Variants in ESRRG observed in about 807,000 individuals in gnomAD.
The protein encoded by ESRRG is estrogen-related receptor gamma.
Under a neutral mutation model 44.0 loss-of-function variants are expected in ESRRG, and 13 were observed. That is an observed-to-expected ratio of 0.30 (90% CI 0.19 to 0.47). The LOEUF is 0.47. Ranked by LOEUF, ESRRG falls within the 20% of genes least tolerant of loss-of-function variation. ESRRG has a pLI of 1.00. For synonymous variants in ESRRG, 215 were observed against 214.6 expected (o/e 1.00, Z -0.02); for missense variants, 395 against 580.6 (o/e 0.68, Z 3.29).
chr1:216,930,290 C>T (rs1272706831), intron 2 of ESRRG, among the ~76,000 whole-genome samples: 1 of 152,160 alleles, frequency 6.6e-6, no homozygotes, highest in Non-Finnish European at 1.5e-5. Context: ...GTGAACATGG[C>T]TCATTACCAA....
At position 216,514,248 on chromosome 1, in the gene ESRRG, T is replaced by C. The variant is rs865905289; in HGVS notation, c.1132+4904A>G. ...AAAACTCACTTCCAAAATATCTTAT[T>C]CTAAATAGAATTAAAATAATCCAGT... On this transcript the variant is annotated intron_variant, in intron 6 of 6. Transcript: ENST00000408911. 5.9e-5 allele frequency among the ~76,000 whole-genome samples: 9 copies of C among 152,230 alleles called. No individual in the cohort carries two copies. In the South Asian group the frequency reaches 1.4e-3, roughly 25 times the overall value.
chr1:217,105,057 G>T (rs1340256504), intron 1 of ESRRG, among the ~76,000 whole-genome samples: 1 of 152,128 alleles, frequency 6.6e-6, no homozygotes, highest in African/African-American at 2.4e-5. Context: ...CTTTCCCAAA[G>T]AGGACTCCAC....
chr1:216,974,950 AT>A (rs558666771), intron 1 of ESRRG, among the ~76,000 whole-genome samples: 1 of 151,698 alleles, frequency 6.6e-6, no homozygotes, highest in Non-Finnish European at 1.5e-5. Context: ...ATTTATAAAT[AT>A]TTTTTCCCAG....
chr1:216,642,161 A>C (rs2066563760), intron 3 of ESRRG, among the ~76,000 whole-genome samples: 2 of 152,002 alleles, frequency 1.3e-5, no homozygotes, highest in Admixed American at 1.3e-4. Context: ...CAGAACCTAG[A>C]CTCCTTCATA....
rs1322020055 is a variant in ESRRG, at chr1:216,506,277, T to G, written c.*662A>C. 5.1e-6 allele frequency: 1 copy of G among 194,636 alleles called. No homozygotes were observed. The highest frequency in any genetic ancestry group is 2.4e-5 in the African/African-American group (1 of 42,470). 12.1% of individuals were successfully genotyped at this position (194,636 alleles called of 1,614,324 possible). A position where few individuals can be genotyped will look rare whatever the true frequency, so the allele number is the denominator to read the frequency against. ...CTTTTAGGAACGTTGGTTCTCTCTCTTTGATTCCTTAGTCATTGGGGACAG... is the reference window on the plus strand; with the variant it reads ...CTTTTAGGAACGTTGGTTCTCTCTCGTTGATTCCTTAGTCATTGGGGACAG... On this transcript the variant is annotated 3_prime_UTR_variant, in exon 7 of 7. Coordinates refer to ENST00000408911, the MANE Select transcript of ESRRG (RefSeq NM_001438.4).
intron 1 of ESRRG, among the ~76,000 whole-genome samples, chr1:216,988,731 C>G (rs569671671): frequency 1.3e-5 from 2 of 152,256 alleles, no homozygotes; most frequent in East Asian, 1.9e-4. Flanking sequence ...AGGAGTTATT[C>G]TAGATATCTT....
At chr1:217,037,165 G>A (rs1371694782) in intron 1 of ESRRG, among the ~76,000 whole-genome samples, 1 of 152,140 alleles carries the variant, frequency 6.6e-6, no homozygotes, top group Non-Finnish European at 1.5e-5. Context: ...ACCAAGATAA[G>A]GTAGATATTT....
intron 2 of ESRRG, among the ~76,000 whole-genome samples, chr1:216,806,193 TTCTG>T: frequency 6.6e-6 from 1 of 152,332 alleles, no homozygotes; most frequent in South Asian, 2.1e-4. Context: ...CTTCTCCAAG[TTCTG>T]TCTATTTCAG....
intron 2 of ESRRG, among the ~76,000 whole-genome samples, chr1:216,925,676 T>C (rs894940080): frequency 6.6e-6 from 1 of 151,742 alleles, no homozygotes; most frequent in Non-Finnish European, 1.5e-5. Context: ...CTCGGCTGGG[T>C]GTGGTGGCTC....
intron 2 of ESRRG, among the ~76,000 whole-genome samples, chr1:216,750,235 T>C (rs2091874831): frequency 6.6e-6 from 1 of 152,160 alleles, no homozygotes; most frequent in Non-Finnish European, 1.5e-5. Flanking sequence ...ATGCTTCTAA[T>C]CTGGCAGACA....
At chr1:216,785,712 T>C (rs1254088513) in intron 2 of ESRRG, among the ~76,000 whole-genome samples, 1 of 152,110 alleles carries the variant, frequency 6.6e-6, no homozygotes. Context: ...TTTTGCTCAT[T>C]TCCAAAATAT....
chr1:216,670,615 C>T (rs2074977226), intron 2 of ESRRG, among the ~76,000 whole-genome samples: 1 of 152,186 alleles, frequency 6.6e-6, no homozygotes, highest in African/African-American at 2.4e-5. Flanking sequence ...ACCACAAGCC[C>T]ATGGAAGTGC....
At chr1:216,923,925 G>A (rs1578200683) in intron 2 of ESRRG, among the ~76,000 whole-genome samples, 1 of 152,156 alleles carries the variant, frequency 6.6e-6, no homozygotes, top group Non-Finnish European at 1.5e-5. Context: ...ATTAATGAAT[G>A]TATCAAAAGG....
At chr1:216,745,864 T>A (rs973495585) in intron 2 of ESRRG, among the ~76,000 whole-genome samples, 1 of 152,246 alleles carries the variant, frequency 6.6e-6, no homozygotes, top group Non-Finnish European at 1.5e-5. Flanking sequence ...TATCTATGTA[T>A]CAAACTCATT....
At chr1:216,692,358 A>G (rs1401966231) in intron 1 of ESRRG, among the ~76,000 whole-genome samples, 1 of 151,300 alleles carries the variant, frequency 6.6e-6, no homozygotes, top group Admixed American at 6.6e-5. Context: ...CTAGATTTTA[A>G]CAAAAGAGTT....
At chr1:216,885,432 A>G (rs2096501294) in intron 2 of ESRRG, among the ~76,000 whole-genome samples, 1 of 152,088 alleles carries the variant, frequency 6.6e-6, no homozygotes, top group Non-Finnish European at 1.5e-5. Flanking sequence ...GGTGCTGAGG[A>G]GCAGGTGGAG....
At chr1:217,121,736 A>C (rs2092822573) in intron 1 of ESRRG, among the ~76,000 whole-genome samples, 1 of 152,170 alleles carries the variant, frequency 6.6e-6, no homozygotes, top group South Asian at 2.1e-4. Context: ...TATGGTTTTA[A>C]ATCCACTGGG....
intron 2 of ESRRG, among the ~76,000 whole-genome samples, chr1:216,813,809 C>CG (rs1024397488): frequency 4.6e-5 from 7 of 152,082 alleles, no homozygotes; most frequent in African/African-American, 1.7e-4. Flanking sequence ...CTGCTTATGT[C>CG]GGGGGGACAT....
At chr1:216,948,794 C>T (rs565533699) in intron 1 of ESRRG, among the ~76,000 whole-genome samples, 45 of 152,180 alleles carry the variant, frequency 3.0e-4, no homozygotes, top group African/African-American at 1.1e-3. Flanking sequence ...TAGACCAAAG[C>T]TGAATATTTC....
Sources: gnomAD v4.1 joint callset for allele counts (sites outside exome capture counted in the v4.1 genomes callset) on GRCh38, gnomAD v4.1.1 for gene constraint, MANE v1.5 for transcripts, NCBI Gene and HGNC (gene_info 2026-07-23, HGNC 2026-07-21) for gene names.